Variants in FERMT2 observed in about 807,000 individuals in gnomAD.
FERMT2 encodes fermitin family homolog 2.
FERMT2 carries 15 observed loss-of-function variants against 82.7 expected under a neutral mutation model. That is an observed-to-expected ratio of 0.18 (90% CI 0.12 to 0.28). The LOEUF (loss-of-function observed/expected upper bound fraction) is 0.28, where lower values mean the gene tolerates loss of function less well. Ranked by LOEUF, FERMT2 falls within the 10% of genes least tolerant of loss-of-function variation. FERMT2 has a pLI of 1.00. For missense variants in FERMT2, 645 were observed against 809.4 expected, an observed-to-expected ratio of 0.80 and a Z score of 2.46; for synonymous variants, 274 against 271.5, an observed-to-expected ratio of 1.01 and a Z score of -0.09.
chr14:52,911,606 G>A (rs142247441), intron 3 of FERMT2, among the ~76,000 whole-genome samples: 93 of 151,252 alleles, frequency 6.1e-4, no homozygotes, highest in African/African-American at 2.0e-3. Flanking sequence ...AGCCAAGATC[G>A]CGCCACTGCA....
chr14:52,894,511 T>C (rs1887139934), intron 3 of FERMT2, among the ~76,000 whole-genome samples: 1 of 152,106 alleles, frequency 6.6e-6, no homozygotes, highest in Admixed American at 6.6e-5. Flanking sequence ...ACTAACTGAT[T>C]TTAAGACATC....
At chr14:52,903,620 T>TAA (rs1419732142) in intron 3 of FERMT2, among the ~76,000 whole-genome samples, 13 of 151,812 alleles carry the variant, frequency 8.6e-5, no homozygotes, top group African/African-American at 3.1e-4. Flanking sequence ...AGCCAAAAGA[T>TAA]AATTTAACAA....
At chr14:52,882,181 T>A (rs1324891167) in intron 4 of FERMT2, among the ~76,000 whole-genome samples, 2 of 152,190 alleles carry the variant, frequency 1.3e-5, no homozygotes, top group South Asian at 4.1e-4. Flanking sequence ...AGTAAAGTCT[T>A]CTCAGTGAAT....
intron 4 of FERMT2, among the ~76,000 whole-genome samples, chr14:52,891,852 A>G (rs1035191010): frequency 9.2e-5 from 14 of 152,326 alleles, no homozygotes; most frequent in African/African-American, 3.1e-4. Flanking sequence ...AACCTAATTA[A>G]TTAGCCACTT....
At chr14:52,922,917 T>C (rs1284576711) in intron 2 of FERMT2, among the ~76,000 whole-genome samples, 1 of 152,190 alleles carries the variant, frequency 6.6e-6, no homozygotes, top group Non-Finnish European at 1.5e-5. Context: ...TTCACTGTTG[T>C]GTGAACATCA....
chr14:52,893,132 G>C (rs1289498249), intron 4 of FERMT2, among the ~76,000 whole-genome samples, 161 bp downstream of exon 4: 1 of 152,228 alleles, frequency 6.6e-6, no homozygotes, highest in Non-Finnish European at 1.5e-5. Context: ...AAGTAGCTGG[G>C]ACTACAGGTG....
chr14:52,919,463 T>A (rs1287434178), intron 2 of FERMT2, 107 bp from the exon 3 acceptor site: 3 of 722,412 alleles, frequency 4.2e-6, no homozygotes, highest in Non-Finnish European at 6.9e-6. Flanking sequence ...AATAATTAAC[T>A]ACTAAGTTAC....
rs1353009224 is a variant in FERMT2, at chr14:52,881,006, A to G, written c.855+30T>C. 8.4e-6 allele frequency: 12 copies of G among 1,428,604 alleles called. No homozygotes were observed. In the South Asian group the frequency reaches 1.4e-4, roughly 16 times the overall value. 88.5% of individuals were successfully genotyped at this position (1,428,604 alleles called of 1,614,324 possible). On this transcript the variant is annotated intron_variant, in intron 6 of 14. Transcript: ENST00000341590. ...GTGAACAAAACAAATTAATGGGGAAAAAAAAAAGATCCCTTTAAACCCTCG... is the reference window on the plus strand; with the variant it reads ...GTGAACAAAACAAATTAATGGGGAAGAAAAAAAGATCCCTTTAAACCCTCG...
At chr14:52,878,206 A>G (rs1257512798) in intron 7 of FERMT2, among the ~76,000 whole-genome samples, 1 of 152,162 alleles carries the variant, frequency 6.6e-6, no homozygotes, top group Non-Finnish European at 1.5e-5. Flanking sequence ...GCTATTTATG[A>G]AATTATACAG....
At chr14:52,916,854 T>C (rs1015972687) in intron 3 of FERMT2, among the ~76,000 whole-genome samples, 1 of 152,172 alleles carries the variant, frequency 6.6e-6, no homozygotes, top group Non-Finnish European at 1.5e-5. Flanking sequence ...CTGTAAAAAC[T>C]ACAGTTTATT....
chr14:52,921,739 A>T (rs1325558040), intron 2 of FERMT2, among the ~76,000 whole-genome samples: 1 of 152,188 alleles, frequency 6.6e-6, no homozygotes, highest in East Asian at 1.9e-4. Flanking sequence ...AATGCTCAGA[A>T]AACAGGGGAA....
chr14:52,924,368 G>A (rs573814936), intron 2 of FERMT2, among the ~76,000 whole-genome samples: 34 of 152,302 alleles, frequency 2.2e-4, no homozygotes, highest in Middle Eastern at 3.4e-3. Flanking sequence ...AAAAAATACT[G>A]ATGCCTGGCC....
chr14:52,897,018 ACACACAC>A (rs1887313093), intron 3 of FERMT2, among the ~76,000 whole-genome samples: 1 of 146,998 alleles, frequency 6.8e-6, no homozygotes, highest in Non-Finnish European at 1.5e-5. Context: ...ACACACACAC[ACACACAC>A]ACACACACAC....
intron 3 of FERMT2, among the ~76,000 whole-genome samples, chr14:52,900,639 C>G (rs968414566): frequency 1.3e-5 from 2 of 152,052 alleles, no homozygotes; most frequent in African/African-American, 2.4e-5. Context: ...AATATAAAAC[C>G]AAGGTGTTTG....
intron 2 of FERMT2, among the ~76,000 whole-genome samples, chr14:52,926,747 C>T (rs1450167343): frequency 6.7e-6 from 1 of 148,874 alleles, no homozygotes; most frequent in Admixed American, 6.7e-5. Flanking sequence ...TATTATGAAG[C>T]CATCACTTGT....
chr14:52,899,455 T>G (rs143077460), intron 3 of FERMT2, among the ~76,000 whole-genome samples: 1 of 152,142 alleles, frequency 6.6e-6, no homozygotes, highest in Non-Finnish European at 1.5e-5. Context: ...GCTAAGTTTT[T>G]GTATTTTTAG....
Position 52,864,560 on chromosome 14 carries a change from C to T in FERMT2, c.1443G>A (p.Ala481=), listed in dbSNP as rs747382966. The change falls in exon 12 of 15, where the codon GCG becomes GCA. Residue 481 remains alanine, a synonymous_variant. Coordinates refer to ENST00000341590, the MANE Select transcript of FERMT2 (RefSeq NM_006832.3). ...GAACTTCTAAGTTGTAAGAACTGTC[C>T]GCCATGGTCTTGCCTTTGGAGGCTA... ...CRLASKGKTM[A]DSSYNLEVQN... is the part of the protein sequence containing the mutation. The T allele has an allele frequency of 2.0e-5, 33 of 1,614,012 alleles. No homozygotes were observed. Among genetic ancestry groups the T allele is most frequent in the East Asian group, 1.8e-4 (8 of 44,890 alleles).
At chr14:52,861,129 C>T in intron 12 of FERMT2, 1 of 1,095,876 alleles carries the variant, frequency 9.1e-7, no homozygotes. Flanking sequence ...AAGTTGCGGT[C>T]ACCTGCAAAC....
At chr14:52,892,173 T>A (rs77857090) in intron 4 of FERMT2, among the ~76,000 whole-genome samples, 2 of 15,210 alleles carry the variant, frequency 1.3e-4, no homozygotes, top group Non-Finnish European at 1.6e-3. Flanking sequence ...TTTGTTTTTT[T>A]TTTTTTTTTT....
Sources: allele counts gnomAD v4.1 joint callset (sites outside exome capture counted in the v4.1 genomes callset), GRCh38; gene constraint gnomAD v4.1.1; transcripts MANE v1.5; gene names NCBI Gene and HGNC (gene_info 2026-07-23, HGNC 2026-07-21).